The following NELL1 variants were observed in gnomAD, a reference collection of about 807,000 sequenced individuals.
NELL1 encodes the protein protein kinase C-binding protein NELL1.
NELL1 carries 76 observed loss-of-function variants against 107.4 expected under a neutral mutation model. The ratio of observed to expected loss-of-function variants is 0.71; its 90% confidence interval spans 0.59 to 0.86. The LOEUF (loss-of-function observed/expected upper bound fraction) is 0.86, where lower values mean the gene tolerates loss of function less well. Ranked by LOEUF, NELL1 falls within the 40% of genes least tolerant of loss-of-function variation. NELL1 has a pLI of 0.00. For missense variants in NELL1, 1,024 were observed against 1,005.5 expected (o/e 1.02, Z -0.25); for synonymous variants, 353 against 341.2 (o/e 1.03, Z -0.38).
chr11:21,425,263 A>G (rs74599000), intron 15 of NELL1, among the ~76,000 whole-genome samples: 2,562 of 150,332 alleles, frequency 0.017, 66 homozygotes, highest in African/African-American at 0.059. Flanking sequence ...AAATTCATAT[A>G]GAATTTCAAG....
At chr11:20,933,442 C>G (rs1006794770) in intron 9 of NELL1, among the ~76,000 whole-genome samples, 7 of 152,078 alleles carry the variant, frequency 4.6e-5, no homozygotes, top group Non-Finnish European at 7.4e-5. Flanking sequence ...CAATACATTC[C>G]GTTTGACATG....
chr11:21,077,750 A>G (rs1315242699), intron 12 of NELL1, among the ~76,000 whole-genome samples: 1 of 151,732 alleles, frequency 6.6e-6, no homozygotes, highest in African/African-American at 2.4e-5. Flanking sequence ...CTCAGGAAAA[A>G]AAAAAAAAGA....
intron 14 of NELL1, among the ~76,000 whole-genome samples, chr11:21,350,136 A>G (rs1390240115): frequency 6.6e-6 from 1 of 152,224 alleles, no homozygotes; most frequent in East Asian, 1.9e-4. Context: ...TTTTTGGATG[A>G]TATTTTGATT....
Position 21,259,765 on chromosome 11 carries a change from A to AT in NELL1, c.1549+30311_1549+30312insT, listed in dbSNP as rs200143144. 2.2e-3 allele frequency among the ~76,000 whole-genome samples: 319 copies of AT among 141,846 alleles called. 1 individual carries two copies. Among genetic ancestry groups the AT allele is most frequent in the African/African-American group, 8.7e-3 (308 of 35,562 alleles). The allele number at this position is 141,846 out of a possible 152,430, so 93.1% of individuals were successfully genotyped here. A position where few individuals can be genotyped will look rare whatever the true frequency, so the allele number is the denominator to read the frequency against. On this transcript the variant is annotated intron_variant, in intron 14 of 19. Transcript: ENST00000357134. Reference sequence around the variant, plus strand: ...TTTTTATTCTGTGTTTTCAAAAATGACTTTTTTTCAAGAATTAGCTTGCAT... The same window carrying AT: ...TTTTTATTCTGTGTTTTCAAAAATGATCTTTTTTTCAAGAATTAGCTTGCAT...
At chr11:21,243,459 G>T (rs1426041309) in intron 14 of NELL1, among the ~76,000 whole-genome samples, 1 of 152,064 alleles carries the variant, frequency 6.6e-6, no homozygotes, top group Non-Finnish European at 1.5e-5. Context: ...TTACAGATAA[G>T]AAAACTGAGT....
chr11:20,784,453 G>A (rs1253022564), intron 3 of NELL1, among the ~76,000 whole-genome samples: 3 of 152,166 alleles, frequency 2.0e-5, no homozygotes, highest in Non-Finnish European at 4.4e-5. Flanking sequence ...TCAGAAAGAG[G>A]TTGCTATGAT....
chr11:20,734,719 C>G (rs1855721222), intron 2 of NELL1, among the ~76,000 whole-genome samples: 3 of 152,180 alleles, frequency 2.0e-5, no homozygotes, highest in African/African-American at 7.2e-5. Flanking sequence ...TTAGGTCAAA[C>G]AAGTCCAGGG....
At chr11:20,905,451 C>A (rs1211892983) in intron 5 of NELL1, among the ~76,000 whole-genome samples, 1 of 152,060 alleles carries the variant, frequency 6.6e-6, no homozygotes, top group African/African-American at 2.4e-5. Flanking sequence ...TGAGGAAGCA[C>A]AGATGTTGAA....
chr11:21,028,099 C>T (rs939856972), intron 12 of NELL1, among the ~76,000 whole-genome samples: 1 of 152,116 alleles, frequency 6.6e-6, no homozygotes, highest in African/African-American at 2.4e-5. Context: ...AAAATGTAAC[C>T]ATGTAAAAAT....
intron 4 of NELL1, among the ~76,000 whole-genome samples, chr11:20,865,563 T>G (rs1459214817): frequency 6.6e-6 from 1 of 151,362 alleles, no homozygotes. Flanking sequence ...CTGGATTTTT[T>G]TTGAATTTTA....
At chr11:21,340,627 A>G (rs1300713520) in intron 14 of NELL1, among the ~76,000 whole-genome samples, 3 of 83,674 alleles carry the variant, frequency 3.6e-5, no homozygotes, top group African/African-American at 9.9e-5. Context: ...GGTTACACAC[A>G]CACACACACA....
chr11:20,722,990 C>T (rs557578365), intron 2 of NELL1, among the ~76,000 whole-genome samples: 6 of 152,174 alleles, frequency 3.9e-5, no homozygotes, highest in South Asian at 2.1e-4. Flanking sequence ...AATGAGGAAA[C>T]GCCACACTTT....
At chr11:21,438,739 T>C (rs1853199559) in intron 15 of NELL1, among the ~76,000 whole-genome samples, 1 of 151,888 alleles carries the variant, frequency 6.6e-6, no homozygotes. Context: ...AGACTACTGG[T>C]AAGGCTGTCA....
chr11:21,419,768 T>C (rs1260424819), intron 15 of NELL1, among the ~76,000 whole-genome samples: 5 of 152,176 alleles, frequency 3.3e-5, no homozygotes, highest in Non-Finnish European at 7.4e-5. Context: ...ATATCAAGTA[T>C]ATAAATTTGA....
intron 15 of NELL1, among the ~76,000 whole-genome samples, chr11:21,492,409 G>C (rs1034444296): frequency 6.6e-6 from 1 of 152,062 alleles, no homozygotes; most frequent in Admixed American, 6.6e-5. Flanking sequence ...TATACCCAAA[G>C]GACTATAAAT....
chr11:21,249,037 C>T (rs1244494872), intron 14 of NELL1, among the ~76,000 whole-genome samples: 1 of 152,122 alleles, frequency 6.6e-6, no homozygotes, highest in Non-Finnish European at 1.5e-5. Context: ...CCTCTATACC[C>T]AGCCCTGCCT....
intron 3 of NELL1, among the ~76,000 whole-genome samples, chr11:20,791,400 A>G (rs943880864): frequency 6.6e-6 from 1 of 152,214 alleles, no homozygotes; most frequent in African/African-American, 2.4e-5. Context: ...TAGAAAGGAA[A>G]TTAATTTTTG....
chr11:21,402,643 C>CT (rs76528457), intron 15 of NELL1, among the ~76,000 whole-genome samples: 88 of 143,210 alleles, frequency 6.1e-4, no homozygotes, highest in East Asian at 2.5e-3. Flanking sequence ...AGATCCTTTT[C>CT]TTTTTTTTTT....
At chr11:21,105,808 C>G (rs1157312279) in intron 12 of NELL1, among the ~76,000 whole-genome samples, 1 of 58,080 alleles carries the variant, frequency 1.7e-5, no homozygotes, top group Non-Finnish European at 3.2e-5. Flanking sequence ...TTCCCCTTCC[C>G]TCCTCTCCCC....
Sources: gnomAD v4.1 joint callset for allele counts (sites outside exome capture counted in the v4.1 genomes callset) on GRCh38, gnomAD v4.1.1 for gene constraint, MANE v1.5 for transcripts, NCBI Gene and HGNC (gene_info 2026-07-23, HGNC 2026-07-21) for gene names.